GCLC: variants seen among roughly 807,000 people sequenced by gnomAD.
The protein encoded by GCLC is glutamate--cysteine ligase catalytic subunit.
In GCLC, 30 loss-of-function variants were observed where a neutral mutation model predicts 81.5. The observed-to-expected ratio is 0.37, with a 90% CI of 0.28 to 0.50. GCLC has a LOEUF of 0.50. Among genes scored for constraint, GCLC ranks in the 20% least tolerant of loss-of-function variants. GCLC has a pLI of 0.96. For synonymous variants in GCLC, 262 were observed against 273.3 expected (o/e 0.96, Z 0.41); for missense variants, 556 against 777.4 (o/e 0.72, Z 3.39).
intron 6 of GCLC, chr6:53,513,070 G>T (rs57293778): frequency 6.6e-6 from 1 of 152,324 alleles, no homozygotes; most frequent in African/African-American, 2.4e-5. Context: ...AAAACAGAAA[G>T]AAATTATCCT....
chr6:53,544,995 C>G lies in GCLC; in HGVS notation c.-350G>C, dbSNP rs1279563496. ...CACGGCCGCGCTGCCGCGGCGGCTCCCGCTTCTCTTTGCCGGTCTGGTGCA... is the reference window on the plus strand; with the variant it reads ...CACGGCCGCGCTGCCGCGGCGGCTCGCGCTTCTCTTTGCCGGTCTGGTGCA... On this transcript the variant is annotated 5_prime_UTR_variant, in exon 1 of 16. Coordinates refer to ENST00000650454, the MANE Select transcript of GCLC (RefSeq NM_001498.4). 2 of 183,508 alleles carry G rather than the reference C, an allele frequency of 1.1e-5. No individual in the cohort carries two copies. The highest frequency in any genetic ancestry group is 2.2e-5 in the Non-Finnish European group (2 of 89,214). 11.4% of individuals were successfully genotyped at this position (183,508 alleles called of 1,614,324 possible). A position where few individuals can be genotyped will look rare whatever the true frequency, so the allele number is the denominator to read the frequency against.
At chr6:53,505,661 T>G in intron 11 of GCLC, 142 bp downstream of exon 11, 1 of 747,088 alleles carries the variant, frequency 1.3e-6, no homozygotes, top group Non-Finnish European at 2.4e-6. Context: ...CAACCCTCCT[T>G]AACTTGGACT....
chr6:53,514,658 G>A, intron 4 of GCLC, 161 bp from the exon 5 acceptor site: 1 of 702,164 alleles, frequency 1.4e-6, no homozygotes, highest in Non-Finnish European at 2.6e-6. Context: ...ACACTACAAG[G>A]GAACTTTGTG....
chr6:53,526,809 A>C (rs1973039), intron 1 of GCLC, among the ~76,000 whole-genome samples: 2 of 131,776 alleles, frequency 1.5e-5, no homozygotes, highest in Non-Finnish European at 3.3e-5. Context: ...AAAAAAAAAA[A>C]AAAAAAAACA....
chr6:53,539,351 A>G (rs1284671144), intron 1 of GCLC, among the ~76,000 whole-genome samples: 1 of 152,190 alleles, frequency 6.6e-6, no homozygotes, highest in Non-Finnish European at 1.5e-5. Context: ...GACCTGTCAT[A>G]TTAAAGGTGA....
Position 53,505,797 on chromosome 6 carries a change from T to A in GCLC, c.1290+6A>T, listed in dbSNP as rs747860375. On this transcript the variant is annotated splice_donor_region_variant and intron_variant, in intron 11 of 15. Coordinates refer to ENST00000650454, the MANE Select transcript of GCLC (RefSeq NM_001498.4). ...GAGTCAGTTCTTGCTGATGCATGTG[T>A]CTTACCTCCATGGGTCGAAATTCTA... 1 of 1,550,472 alleles carries A rather than the reference T, an allele frequency of 6.4e-7. No individual in the cohort carries two copies. The highest frequency in any genetic ancestry group is 1.1e-5 in the South Asian group (1 of 89,768).
At position 53,500,417 on chromosome 6, in the gene GCLC, A is replaced by G; in HGVS notation, c.1477+15T>C. The G allele has an allele frequency of 6.2e-7, 1 of 1,603,016 alleles. No homozygotes were observed. The highest frequency in any genetic ancestry group is 2.2e-5 in the East Asian group (1 of 44,832). The stretch of plus-strand genomic sequence containing the variant: ...CAGCATAAGCTGACATTAGAAATCT[A>G]AGATAATGTAATACCTTTGCAAATA... On this transcript the variant is annotated intron_variant, in intron 13 of 15. Coordinates refer to ENST00000650454, the MANE Select transcript of GCLC (RefSeq NM_001498.4).
At chr6:53,503,961 C>CTA (rs1290284091) in intron 12 of GCLC, among the ~76,000 whole-genome samples, 1 of 152,188 alleles carries the variant, frequency 6.6e-6, no homozygotes, top group Non-Finnish European at 1.5e-5. Flanking sequence ...TAAGCACAAT[C>CTA]TATAATACTT....
At chr6:53,525,788 C>A (rs1029134486) in intron 1 of GCLC, among the ~76,000 whole-genome samples, 1 of 152,008 alleles carries the variant, frequency 6.6e-6, no homozygotes, top group Non-Finnish European at 1.5e-5. Context: ...AAAAAAATAC[C>A]CACCGACCTC....
chr6:53,529,170 A>G (rs1270952190), intron 1 of GCLC, among the ~76,000 whole-genome samples: 3 of 152,246 alleles, frequency 2.0e-5, no homozygotes, highest in African/African-American at 4.8e-5. Flanking sequence ...GCACTGGACC[A>G]AAACCCAAGA....
chr6:53,512,410 T>C (rs940932819), intron 6 of GCLC, among the ~76,000 whole-genome samples: 6 of 152,228 alleles, frequency 3.9e-5, no homozygotes, highest in East Asian at 1.9e-4. Context: ...TTTTTTTTTT[T>C]CCATCTCTCT....
chr6:53,500,192 C>A (rs945040003), intron 14 of GCLC, 27 bp from the exon 15 acceptor site: 16 of 1,613,826 alleles, frequency 9.9e-6, no homozygotes, highest in Non-Finnish European at 1.4e-5. Flanking sequence ...ACTTTATGAA[C>A]TCCCTGCCGG....
At chr6:53,521,482 C>G (rs1439321626) in intron 2 of GCLC, among the ~76,000 whole-genome samples, 1 of 152,030 alleles carries the variant, frequency 6.6e-6, no homozygotes, top group African/African-American at 2.4e-5. Context: ...ACTGAAAATG[C>G]ACACAGAGCA....
At chr6:53,527,208 T>C (rs1763098527) in intron 1 of GCLC, among the ~76,000 whole-genome samples, 1 of 152,190 alleles carries the variant, frequency 6.6e-6, no homozygotes, top group Non-Finnish European at 1.5e-5. Context: ...CCCCAGGACC[T>C]AGTCCAGGTA....
At chr6:53,515,339 T>A (rs1409097015) in intron 4 of GCLC, among the ~76,000 whole-genome samples, 1 of 152,240 alleles carries the variant, frequency 6.6e-6, no homozygotes, top group Non-Finnish European at 1.5e-5. Context: ...TTCTGGTGCA[T>A]CTTTTGACAT....
chr6:53,499,083 T>C (rs1764447010), intron 15 of GCLC, 116 bp from the exon 16 acceptor site: 1 of 729,812 alleles, frequency 1.4e-6, no homozygotes, highest in Non-Finnish European at 2.5e-6. Context: ...ATATGTCCTT[T>C]TAGTGTAGCT....
At chr6:53,539,931 A>G (rs1456821788) in intron 1 of GCLC, among the ~76,000 whole-genome samples, 2 of 152,184 alleles carry the variant, frequency 1.3e-5, no homozygotes, top group Non-Finnish European at 2.9e-5. Context: ...AGCTCCTACT[A>G]TGTGCAAAGA....
intron 3 of GCLC, 45 bp downstream of exon 3, chr6:53,520,733 G>C: frequency 3.3e-6 from 5 of 1,507,200 alleles, no homozygotes; most frequent in Non-Finnish European, 4.6e-6. Flanking sequence ...TTCATTACCT[G>C]TATCTCTGAG....
At chr6:53,522,587 T>G in intron 1 of GCLC, 60 bp from the exon 2 acceptor site, 1 of 1,059,152 alleles carries the variant, frequency 9.4e-7, no homozygotes, top group Non-Finnish European at 1.5e-6. Flanking sequence ...CAGTGTGGCC[T>G]CCAGAAGAAA....
Sources: allele counts gnomAD v4.1 joint callset (sites outside exome capture counted in the v4.1 genomes callset), GRCh38; gene constraint gnomAD v4.1.1; transcripts MANE v1.5; gene names NCBI Gene and HGNC (gene_info 2026-07-23, HGNC 2026-07-21).